The following FGF14 variants were observed in gnomAD, a reference collection of about 807,000 sequenced individuals.
FGF14 encodes the protein fibroblast growth factor 14.
FGF14 carries 5 observed loss-of-function variants against 25.5 expected under a neutral mutation model. That is an observed-to-expected ratio of 0.20 (90% confidence interval 0.10 to 0.41). The LOEUF (loss-of-function observed/expected upper bound fraction) is 0.41, where lower values mean the gene tolerates loss of function less well. Ranked by LOEUF, FGF14 falls within the 10% of genes least tolerant of loss-of-function variation. The probability of loss-of-function intolerance (pLI) is 1.00; values close to 1 mark genes in which losing one functional copy is unlikely to be tolerated. For synonymous variants in FGF14, 138 were observed against 118.3 expected (o/e 1.17, Z -1.08); for missense variants, 222 against 320.1 (o/e 0.69, Z 2.34).
At chr13:102,151,467 G>A (rs1351493100) in intron 1 of FGF14, among the ~76,000 whole-genome samples, 5 of 152,024 alleles carry the variant, frequency 3.3e-5, no homozygotes, top group East Asian at 1.9e-4. Flanking sequence ...ATGTCAAATC[G>A]TATGCTGAGG....
chr13:102,317,980 A>G (rs558267213), intron 1 of FGF14, among the ~76,000 whole-genome samples: 4 of 152,294 alleles, frequency 2.6e-5, no homozygotes, highest in African/African-American at 7.2e-5. Context: ...GACCATAGAC[A>G]TCGGCCCCAG....
intron 1 of FGF14, among the ~76,000 whole-genome samples, chr13:101,970,171 G>A (rs574533544): frequency 1.3e-5 from 2 of 152,218 alleles, no homozygotes; most frequent in South Asian, 4.2e-4. Flanking sequence ...AATATTTTTC[G>A]GTTCTTTACA....
chr13:102,139,249 C>T (rs2046534547), intron 1 of FGF14, among the ~76,000 whole-genome samples: 1 of 151,660 alleles, frequency 6.6e-6, no homozygotes, highest in African/African-American at 2.4e-5. Context: ...TAGAAAATAC[C>T]ACTAGCCAGG....
chr13:101,794,806 G>A (rs1223234483), intron 3 of FGF14, among the ~76,000 whole-genome samples: 1 of 151,960 alleles, frequency 6.6e-6, no homozygotes, highest in Non-Finnish European at 1.5e-5. Context: ...TCTTTATTAG[G>A]GGAAGTTTAT....
At chr13:102,366,859 C>T (rs1165769172) in intron 1 of FGF14, among the ~76,000 whole-genome samples, 1 of 151,944 alleles carries the variant, frequency 6.6e-6, no homozygotes, top group Non-Finnish European at 1.5e-5. Flanking sequence ...TAGTATAGAC[C>T]TTCATACAGA....
At chr13:101,968,151 A>G (rs1027799842) in intron 1 of FGF14, among the ~76,000 whole-genome samples, 2 of 152,248 alleles carry the variant, frequency 1.3e-5, no homozygotes, top group African/African-American at 4.8e-5. Flanking sequence ...AATGAGTGAA[A>G]GTGCAGTTAT....
intron 3 of FGF14, among the ~76,000 whole-genome samples, chr13:101,759,227 C>G (rs181995001): frequency 6.6e-6 from 1 of 152,066 alleles, no homozygotes; most frequent in Admixed American, 6.6e-5. Context: ...ATTAGGGAAC[C>G]GTAGATGATG....
intron 3 of FGF14, among the ~76,000 whole-genome samples, chr13:101,829,629 A>C (rs372199481): frequency 3.3e-4 from 50 of 152,176 alleles, no homozygotes; most frequent in African/African-American, 1.2e-3. Flanking sequence ...AATGTGGTTC[A>C]TTAGGAAAAC....
rs1470407647 is a variant in FGF14 at position 101,714,180 on chromosome 13, A to G, written c.*8651T>C. 3 of 428,778 alleles carry G rather than the reference A, an allele frequency of 7.0e-6. No homozygotes were observed. The highest frequency in any genetic ancestry group is 8.3e-6 in the Non-Finnish European group (2 of 240,388). The allele number at this position is 428,778 out of a possible 1,614,324, so 26.6% of individuals were successfully genotyped here. A position where few individuals can be genotyped will look rare whatever the true frequency, so the allele number is the denominator to read the frequency against. On this transcript the variant is annotated 3_prime_UTR_variant, in exon 5 of 5. Transcript: ENST00000376143. ...TCAACCCCATCCTGCTCTCATTGAC[A>G]TTTCAACCAGACTGGGCCATGGGAC...
chr13:102,240,594 G>A (rs183075289), intron 1 of FGF14, among the ~76,000 whole-genome samples: 1 of 152,258 alleles, frequency 6.6e-6, no homozygotes, highest in East Asian at 1.9e-4. Flanking sequence ...GACAACTACT[G>A]CAGTGCCAGT....
intron 1 of FGF14, among the ~76,000 whole-genome samples, chr13:102,255,411 G>A (rs1221382831): frequency 6.6e-6 from 1 of 152,106 alleles, no homozygotes; most frequent in East Asian, 1.9e-4. Context: ...CTTTTTACAT[G>A]AGATTATCAC....
chr13:101,883,678 C>T (rs1329552899), intron 1 of FGF14, among the ~76,000 whole-genome samples: 3 of 151,914 alleles, frequency 2.0e-5, no homozygotes, highest in Admixed American at 6.6e-5. Context: ...GGGCCAGAAA[C>T]GACTCTAAGT....
At chr13:101,771,119 C>T (rs1347225158) in intron 3 of FGF14, among the ~76,000 whole-genome samples, 1 of 151,870 alleles carries the variant, frequency 6.6e-6, no homozygotes, top group Non-Finnish European at 1.5e-5. Context: ...AGCATGGGGG[C>T]TGTAGTGCAG....
intron 1 of FGF14, among the ~76,000 whole-genome samples, chr13:102,003,559 T>A (rs1381957097): frequency 1.3e-5 from 2 of 152,182 alleles, no homozygotes; most frequent in Non-Finnish European, 2.9e-5. Flanking sequence ...GCTTAGTTTC[T>A]TACATCAAAG....
At chr13:102,057,387 T>C (rs745402228) in intron 1 of FGF14, among the ~76,000 whole-genome samples, 22 of 152,206 alleles carry the variant, frequency 1.4e-4, no homozygotes, top group Non-Finnish European at 2.4e-4. Context: ...TTGATAACTT[T>C]AGCTCTTTAC....
At chr13:102,071,938 G>A (rs1443013784) in intron 1 of FGF14, among the ~76,000 whole-genome samples, 2 of 152,118 alleles carry the variant, frequency 1.3e-5, no homozygotes, top group Non-Finnish European at 2.9e-5. Context: ...AACTATCAGG[G>A]CTAGAACAGC....
chr13:101,913,857 G>A (rs554006178), intron 1 of FGF14, among the ~76,000 whole-genome samples: 16 of 151,900 alleles, frequency 1.1e-4, no homozygotes, highest in African/African-American at 3.9e-4. Context: ...TGCTTTATAG[G>A]ACTTTGAATT....
intron 3 of FGF14, among the ~76,000 whole-genome samples, chr13:101,758,701 C>A (rs1244257253): frequency 1.3e-5 from 2 of 152,078 alleles, no homozygotes; most frequent in Non-Finnish European, 2.9e-5. Context: ...GGCAACAAAT[C>A]GAAAAAGTCC....
At chr13:101,783,949 C>T (rs1230555814) in intron 3 of FGF14, among the ~76,000 whole-genome samples, 2 of 152,140 alleles carry the variant, frequency 1.3e-5, no homozygotes, top group African/African-American at 2.4e-5. Flanking sequence ...ATCCTTTCCC[C>T]ATTGCTTTTT....
Sources: allele counts gnomAD v4.1 joint callset (sites outside exome capture counted in the v4.1 genomes callset), GRCh38; gene constraint gnomAD v4.1.1; transcripts MANE v1.5; gene names NCBI Gene and HGNC (gene_info 2026-07-23, HGNC 2026-07-21).